The following ZFPM2 variants were observed in gnomAD, a reference collection of about 807,000 sequenced individuals.
ZFPM2 encodes the protein zinc finger protein, FOG family member 2.
ZFPM2 carries 20 observed loss-of-function variants against 98.6 expected under a neutral mutation model. The ratio of observed to expected loss-of-function variants is 0.20; its 90% confidence interval spans 0.14 to 0.29. The LOEUF is 0.29. ZFPM2 is among the 10% of genes least tolerant of loss of function. The probability of loss-of-function intolerance (pLI) is 1.00; values close to 1 mark genes in which losing one functional copy is unlikely to be tolerated. For synonymous variants in ZFPM2, 518 were observed against 502.7 expected, an observed-to-expected ratio of 1.03 and a Z score of -0.41; for missense variants, 1,310 against 1,388.6, an observed-to-expected ratio of 0.94 and a Z score of 0.90.
intron 1 of ZFPM2, 34 bp downstream of exon 1, chr8:105,319,015 A>C: frequency 2.0e-6 from 3 of 1,486,122 alleles, no homozygotes; most frequent in Non-Finnish European, 2.7e-6. Context: ...AGTTGGTGGG[A>C]TTATTGCCCA....
At chr8:105,495,974 A>G (rs1335218890) in intron 3 of ZFPM2, among the ~76,000 whole-genome samples, 1 of 152,156 alleles carries the variant, frequency 6.6e-6, no homozygotes, top group Non-Finnish European at 1.5e-5. Flanking sequence ...AGCTTCTTCT[A>G]ATGTTATGAT....
chr8:105,581,593 A>G (rs1296915226), intron 4 of ZFPM2, among the ~76,000 whole-genome samples: 3 of 152,200 alleles, frequency 2.0e-5, no homozygotes, highest in Admixed American at 6.5e-5. Flanking sequence ...AGAAATAACC[A>G]AAATGGATAT....
intron 4 of ZFPM2, among the ~76,000 whole-genome samples, chr8:105,624,057 G>A (rs189956070): frequency 2.6e-5 from 4 of 152,098 alleles, no homozygotes; most frequent in African/African-American, 7.2e-5. Context: ...TAATAATATC[G>A]TTATGAAACT....
At chr8:105,463,803 ATT>A (rs1812746533) in intron 3 of ZFPM2, among the ~76,000 whole-genome samples, 1 of 151,912 alleles carries the variant, frequency 6.6e-6, no homozygotes, top group Admixed American at 6.6e-5. Flanking sequence ...ATGACTGCAT[ATT>A]TTATTGCCAT....
chr8:105,780,027 A>G (rs1357434038), intron 5 of ZFPM2, among the ~76,000 whole-genome samples: 1 of 152,262 alleles, frequency 6.6e-6, no homozygotes, highest in African/African-American at 2.4e-5. Flanking sequence ...AACCTTGATC[A>G]TAAACATTAC....
At position 105,378,401 on chromosome 8, in the gene ZFPM2, T is replaced by G. The variant is rs547111800; in HGVS notation, c.41-40743T>G. On this transcript the variant is annotated intron_variant, in intron 1 of 7. Coordinates refer to ENST00000407775, the MANE Select transcript of ZFPM2 (RefSeq NM_012082.4). The stretch of plus-strand genomic sequence containing the variant: ...GGAGCCATCACTCCCTTGTCTGAAC[T>G]CTCAGAAGGTTTTGCCCCTATCTGT... 1.9e-3 allele frequency among the ~76,000 whole-genome samples: 286 copies of G among 152,338 alleles called. 1 individual carries two copies. Among genetic ancestry groups the G allele is most frequent in the African/African-American group, 6.6e-3 (275 of 41,580 alleles).
intron 5 of ZFPM2, among the ~76,000 whole-genome samples, chr8:105,639,253 G>A (rs1586167007): frequency 6.6e-6 from 1 of 151,918 alleles, no homozygotes; most frequent in South Asian, 2.1e-4. Flanking sequence ...AAAACAAATA[G>A]TGTACTTAGA....
At chr8:105,629,419 T>C (rs538204296) in intron 4 of ZFPM2, among the ~76,000 whole-genome samples, 7 of 152,238 alleles carry the variant, frequency 4.6e-5, no homozygotes, top group Non-Finnish European at 8.8e-5. Flanking sequence ...TTTGAGCACA[T>C]TTGATAAGAA....
At chr8:105,662,033 C>T (rs1586181173) in intron 5 of ZFPM2, among the ~76,000 whole-genome samples, 1 of 151,596 alleles carries the variant, frequency 6.6e-6, no homozygotes, top group Non-Finnish European at 1.5e-5. Flanking sequence ...CAATTGGCAA[C>T]CCCCAAAGGA....
chr8:105,455,897 C>A (rs777890538), intron 3 of ZFPM2, among the ~76,000 whole-genome samples: 11 of 151,992 alleles, frequency 7.2e-5, no homozygotes, highest in Non-Finnish European at 1.0e-4. Flanking sequence ...TAGCCAGGGG[C>A]TTGGAAGAAA....
At chr8:105,603,431 A>G (rs1289713916) in intron 4 of ZFPM2, among the ~76,000 whole-genome samples, 2 of 152,090 alleles carry the variant, frequency 1.3e-5, no homozygotes, top group Non-Finnish European at 2.9e-5. Flanking sequence ...TGGCAATGCA[A>G]ATGAATTGTA....
intron 3 of ZFPM2, among the ~76,000 whole-genome samples, chr8:105,550,090 GA>G (rs1406838228): frequency 3.3e-5 from 5 of 152,082 alleles, no homozygotes; most frequent in Non-Finnish European, 5.9e-5. Flanking sequence ...TCTTCTTTCT[GA>G]AATTTTTGGG....
intron 3 of ZFPM2, among the ~76,000 whole-genome samples, chr8:105,472,716 G>A (rs548797806): frequency 5.2e-4 from 79 of 151,448 alleles, no homozygotes; most frequent in African/African-American, 1.7e-3. Flanking sequence ...CACCTTATTG[G>A]CCAGGATGGT....
At chr8:105,619,690 C>G (rs1031628648) in intron 4 of ZFPM2, among the ~76,000 whole-genome samples, 1 of 151,688 alleles carries the variant, frequency 6.6e-6, no homozygotes, top group East Asian at 1.9e-4. Flanking sequence ...CGCCTCCCCC[C>G]ACCCCGCGAC....
chr8:105,690,445 A>G (rs1455555639), intron 5 of ZFPM2, among the ~76,000 whole-genome samples: 1 of 152,162 alleles, frequency 6.6e-6, no homozygotes, highest in African/African-American at 2.4e-5. Context: ...ACACTGGGCC[A>G]GTGTATCGAG....
intron 3 of ZFPM2, among the ~76,000 whole-genome samples, chr8:105,495,714 T>C (rs1299055624): frequency 6.6e-6 from 1 of 152,196 alleles, no homozygotes; most frequent in Admixed American, 6.5e-5. Flanking sequence ...TAACATTTCA[T>C]CGTTTTTTTC....
intron 2 of ZFPM2, among the ~76,000 whole-genome samples, chr8:105,424,277 AG>A (rs1811862103): frequency 1.3e-5 from 2 of 152,226 alleles, no homozygotes; most frequent in Admixed American, 6.5e-5. Context: ...TTTAAAATAA[AG>A]GCCAGAAGGG....
At chr8:105,583,488 T>C (rs1815646789) in intron 4 of ZFPM2, among the ~76,000 whole-genome samples, 1 of 152,204 alleles carries the variant, frequency 6.6e-6, no homozygotes, top group South Asian at 2.1e-4. Context: ...TTTGGGGTTA[T>C]CTTTTTTCGG....
At chr8:105,350,447 A>G (rs1312117318) in intron 1 of ZFPM2, among the ~76,000 whole-genome samples, 1 of 152,242 alleles carries the variant, frequency 6.6e-6, no homozygotes, top group African/African-American at 2.4e-5. Flanking sequence ...GAAAATATTC[A>G]TAGAATAAAT....
Sources: allele counts gnomAD v4.1 joint callset (sites outside exome capture counted in the v4.1 genomes callset), GRCh38; gene constraint gnomAD v4.1.1; transcripts MANE v1.5; gene names NCBI Gene and HGNC (gene_info 2026-07-23, HGNC 2026-07-21).